Variants in MARCHF1 observed in about 807,000 individuals in gnomAD.
MARCHF1 encodes the protein E3 ubiquitin-protein ligase MARCHF1.
A neutral mutation model predicts 54.2 loss-of-function variants in MARCHF1; 40 were observed. The ratio of observed to expected loss-of-function variants is 0.74; its 90% CI spans 0.57 to 0.96. The LOEUF is 0.96. Among genes scored for constraint, MARCHF1 ranks in the 40% least tolerant of loss-of-function variants. The pLI, the probability that MARCHF1 is intolerant of heterozygous loss-of-function variation, is 0.00. For missense variants in MARCHF1, 586 were observed against 656.5 expected (o/e 0.89, Z 1.17); for synonymous variants, 236 against 236.3 (o/e 1.00, Z 0.01).
At chr4:164,379,771 A>C (rs1383387221) in intron 1 of MARCHF1, among the ~76,000 whole-genome samples, 42 of 152,032 alleles carry the variant, frequency 2.8e-4, no homozygotes, top group Admixed American at 2.4e-3. Flanking sequence ...AGATTGCTTG[A>C]GTCCAGGAGT....
At chr4:164,227,258 G>A (rs1013608116) in intron 1 of MARCHF1, among the ~76,000 whole-genome samples, 4 of 152,064 alleles carry the variant, frequency 2.6e-5, no homozygotes, top group African/African-American at 9.7e-5. Flanking sequence ...TTCAAGCAGA[G>A]GAAATGCCAG....
chr4:163,739,881 T>A (rs138043210), intron 4 of MARCHF1, among the ~76,000 whole-genome samples: 2 of 152,320 alleles, frequency 1.3e-5, no homozygotes, highest in African/African-American at 4.8e-5. Flanking sequence ...GTTTCCTCAT[T>A]ACACACCTTA....
chr4:164,172,538 TG>T (rs974961993), intron 1 of MARCHF1, among the ~76,000 whole-genome samples: 4 of 152,162 alleles, frequency 2.6e-5, no homozygotes, highest in Admixed American at 1.3e-4. Context: ...TTCATTATCT[TG>T]ATCCCCACAC....
intron 1 of MARCHF1, among the ~76,000 whole-genome samples, chr4:164,229,776 A>G (rs1732364320): frequency 6.6e-6 from 1 of 152,134 alleles, no homozygotes. Flanking sequence ...AAGAGCAAGA[A>G]AGAGAACAAG....
rs369412570 is a variant in MARCHF1, at chr4:164,366,869, CAGTTTAATTCAAAATA to C, written c.-323+16985_-323+17000del. Among the ~76,000 whole-genome samples, 722 of 151,962 alleles carry C rather than the reference CAGTTTAATTCAAAATA, an allele frequency of 4.8e-3. 5 individuals are homozygous for C. Among genetic ancestry groups the C allele is most frequent in the African/African-American group, 0.016 (657 of 41,514 alleles). On this transcript the variant is annotated intron_variant, in intron 1 of 9. Transcript: ENST00000514618. ...TTTCTTATTTCTAAGTGTTTCAGAACAGTTTAATTCAAAATAATTTACTCATTATTTATGTCATTAC... is the reference window on the plus strand; with the variant it reads ...TTTCTTATTTCTAAGTGTTTCAGAACATTTACTCATTATTTATGTCATTAC...
intron 1 of MARCHF1, among the ~76,000 whole-genome samples, chr4:164,161,563 GC>G (rs1730240391): frequency 6.6e-6 from 1 of 151,966 alleles, no homozygotes; most frequent in Non-Finnish European, 1.5e-5. Flanking sequence ...AGCAGCAGCA[GC>G]AGCAGCAGCA....
chr4:163,555,053 C>A (rs1739237613), intron 8 of MARCHF1, among the ~76,000 whole-genome samples: 1 of 151,990 alleles, frequency 6.6e-6, no homozygotes, highest in Non-Finnish European at 1.5e-5. Context: ...AAATCATCCA[C>A]TAGAGGGAGT....
At chr4:163,997,873 T>G (rs1753107638) in intron 2 of MARCHF1, among the ~76,000 whole-genome samples, 1 of 151,546 alleles carries the variant, frequency 6.6e-6, no homozygotes, top group Non-Finnish European at 1.5e-5. Flanking sequence ...TATTGACTAT[T>G]TGATTTTCCA....
chr4:163,535,165 A>C (rs1005031160), intron 9 of MARCHF1, among the ~76,000 whole-genome samples: 2 of 152,070 alleles, frequency 1.3e-5, no homozygotes, highest in Non-Finnish European at 2.9e-5. Flanking sequence ...AACATATTCT[A>C]GGTATTCCTG....
At chr4:164,244,721 A>G (rs1048264387) in intron 1 of MARCHF1, among the ~76,000 whole-genome samples, 2 of 152,088 alleles carry the variant, frequency 1.3e-5, no homozygotes, top group Non-Finnish European at 2.9e-5. Context: ...CAAGACAAAT[A>G]AAGAAAAAAA....
intron 2 of MARCHF1, among the ~76,000 whole-genome samples, chr4:164,033,685 C>G (rs1039887052): frequency 2.6e-5 from 4 of 152,204 alleles, no homozygotes; most frequent in Admixed American, 6.5e-5. Context: ...CTCAACATCA[C>G]TGATCATCAG....
At chr4:164,367,493 G>T (rs1488561020) in intron 1 of MARCHF1, among the ~76,000 whole-genome samples, 1 of 151,746 alleles carries the variant, frequency 6.6e-6, no homozygotes, top group Non-Finnish European at 1.5e-5. Context: ...GTCTTCTAAA[G>T]TTAAAAAGTT....
chr4:163,713,083 C>T lies in MARCHF1; in HGVS notation c.112-12220G>A, dbSNP rs560878506. 2.8e-4 allele frequency among the ~76,000 whole-genome samples: 42 copies of T among 152,046 alleles called. 1 individual carries two copies. In the South Asian group the frequency reaches 8.3e-3, roughly 30 times the overall value. ...CTCTCTTCATTATTTAGAGTATTCCCTTATTAAGCTATTTTTAAAAACAAA... is the reference window on the plus strand; with the variant it reads ...CTCTCTTCATTATTTAGAGTATTCCTTTATTAAGCTATTTTTAAAAACAAA... On this transcript the variant is annotated intron_variant, in intron 4 of 9. Coordinates refer to ENST00000514618, the MANE Select transcript of MARCHF1 (RefSeq NM_001394959.1).
At chr4:163,627,784 T>C (rs1741923403) in intron 5 of MARCHF1, among the ~76,000 whole-genome samples, 2 of 151,966 alleles carry the variant, frequency 1.3e-5, no homozygotes, top group Admixed American at 6.5e-5. Context: ...TCCACACAAT[T>C]ATGGTCAATT....
At chr4:163,932,095 T>TA (rs1371053838) in intron 3 of MARCHF1, among the ~76,000 whole-genome samples, 5 of 143,084 alleles carry the variant, frequency 3.5e-5, no homozygotes, top group East Asian at 2.1e-4. Context: ...GTAATTTAAT[T>TA]AAAAAAAACC....
chr4:163,776,064 G>A (rs979352958), intron 4 of MARCHF1, among the ~76,000 whole-genome samples: 4 of 152,136 alleles, frequency 2.6e-5, no homozygotes, highest in Non-Finnish European at 5.9e-5. Context: ...AGGAGATGGA[G>A]AGAAAAATAG....
chr4:163,832,304 C>A (rs1485642872), intron 4 of MARCHF1, among the ~76,000 whole-genome samples: 1 of 152,082 alleles, frequency 6.6e-6, no homozygotes, highest in African/African-American at 2.4e-5. Flanking sequence ...TGCAAGATTG[C>A]AATGCTGGCC....
intron 3 of MARCHF1, among the ~76,000 whole-genome samples, chr4:163,971,720 C>A (rs1752550858): frequency 6.6e-6 from 1 of 152,108 alleles, no homozygotes; most frequent in African/African-American, 2.4e-5. Context: ...TAAAACAGAA[C>A]CTTTGTTCCT....
At chr4:164,369,861 A>G (rs940720101) in intron 1 of MARCHF1, among the ~76,000 whole-genome samples, 3 of 152,366 alleles carry the variant, frequency 2.0e-5, no homozygotes, top group African/African-American at 7.2e-5. Context: ...ATGAGAATAA[A>G]TCAAATAGTT....
Sources: allele counts gnomAD v4.1 joint callset (sites outside exome capture counted in the v4.1 genomes callset), GRCh38; gene constraint gnomAD v4.1.1; transcripts MANE v1.5; gene names NCBI Gene and HGNC (gene_info 2026-07-23, HGNC 2026-07-21).